The following UNC119B variants were observed in gnomAD, a reference collection of about 807,000 sequenced individuals.
The protein encoded by UNC119B is unc-119 lipid binding chaperone B, also known as protein unc-119 homolog B.
UNC119B carries 16 observed loss-of-function variants against 23.4 expected under a neutral mutation model. The observed-to-expected ratio is 0.68, with a 90% CI of 0.46 to 1.04. The LOEUF (loss-of-function observed/expected upper bound fraction) is 1.04, where lower values mean the gene tolerates loss of function less well. UNC119B is among the 50% of genes least tolerant of loss of function. UNC119B has a pLI of 0.00. For missense variants in UNC119B, 350 were observed against 361.3 expected (o/e 0.97, Z 0.25); for synonymous variants, 144 against 145.4 (o/e 0.99, Z 0.07).
At position 120,710,683 on chromosome 12, in the gene UNC119B, C is replaced by T. The variant is rs903917491; in HGVS notation, c.209C>T (p.Pro70Leu). The change falls in exon 1 of 5, where the codon CCC becomes CTC. Residue 70 changes from proline (P) to leucine (L), a missense_variant. Physicochemically the swap from Pro to Leu is moderately conservative, Grantham distance 98. Transcript: ENST00000344651. ...CTGCTGGCGCTGGACACCATCCGGC[C>T]CGAGCACGTCCTGCGCCTCAGCCGG... The part of the protein sequence containing the change: ...QELLALDTIR[P>L]EHVLRLSRVT... The T allele has an allele frequency of 1.4e-6, 2 of 1,444,958 alleles. No homozygotes were observed. The highest frequency in any genetic ancestry group is 1.5e-5 in the African/African-American group (1 of 67,450). The allele number at this position is 1,444,958 out of a possible 1,614,324, so 89.5% of individuals were successfully genotyped here. A position where few individuals can be genotyped will look rare whatever the true frequency, so the allele number is the denominator to read the frequency against.
chr12:120,713,577 G>A (rs1168474793), intron 2 of UNC119B, among the ~76,000 whole-genome samples, 190 bp downstream of exon 2: 4 of 152,228 alleles, frequency 2.6e-5, no homozygotes, highest in Admixed American at 6.5e-5. Flanking sequence ...TTTGTTGGAT[G>A]TCTATTCTGT....
intron 2 of UNC119B, among the ~76,000 whole-genome samples, chr12:120,714,398 G>A (rs1398082108): frequency 5.0e-4 from 76 of 152,014 alleles, no homozygotes; most frequent in African/African-American, 1.8e-3. Context: ...TTGGCTCACT[G>A]CAACCTCTGC....
intron 2 of UNC119B, among the ~76,000 whole-genome samples, chr12:120,715,776 G>A (rs1882768843): frequency 6.6e-6 from 1 of 152,030 alleles, no homozygotes; most frequent in South Asian, 2.1e-4. Context: ...CAGGGGATCC[G>A]CCTACCTCGG....
rs1340213417 is a variant in UNC119B, at chr12:120,720,768, C to T, written c.*736C>T. 6.6e-6 allele frequency: 1 copy of T among 152,266 alleles called. No individual in the cohort carries two copies. Among genetic ancestry groups the T allele is most frequent in the African/African-American group, 2.4e-5 (1 of 41,468 alleles). The allele number at this position is 152,266 out of a possible 1,614,324, so 9.4% of individuals were successfully genotyped here. A position where few individuals can be genotyped will look rare whatever the true frequency, so the allele number is the denominator to read the frequency against. The stretch of plus-strand genomic sequence containing the variant: ...GCTTGCTCCACATCTCCTGGCTCCT[C>T]CCTTCTGAGTCTCATGAAATAGAAT... On this transcript the variant is annotated 3_prime_UTR_variant, in exon 5 of 5. Coordinates refer to ENST00000344651, the MANE Select transcript of UNC119B (RefSeq NM_001080533.3).
chr12:120,718,335 G>A (rs1185981817), intron 4 of UNC119B, among the ~76,000 whole-genome samples: 1 of 152,166 alleles, frequency 6.6e-6, no homozygotes, highest in Non-Finnish European at 1.5e-5. Flanking sequence ...TTTAGTCATT[G>A]GCCCTTCACT....
At chr12:120,719,408 C>T (rs1882843914) in intron 4 of UNC119B, among the ~76,000 whole-genome samples, 1 of 152,178 alleles carries the variant, frequency 6.6e-6, no homozygotes, top group Non-Finnish European at 1.5e-5. Flanking sequence ...GGAGAAGGCT[C>T]CCTGCCCTGT....
chr12:120,715,016 C>T (rs1882745679), intron 2 of UNC119B, among the ~76,000 whole-genome samples: 1 of 151,934 alleles, frequency 6.6e-6, no homozygotes, highest in African/African-American at 2.4e-5. Context: ...TGGCAAAACC[C>T]CATCTGTACA....
At position 120,713,705 on chromosome 12, in the gene UNC119B, G is replaced by A. The variant is rs189273735; in HGVS notation, c.358+318G>A. 6.6e-4 allele frequency among the ~76,000 whole-genome samples: 100 copies of A among 152,296 alleles called. No homozygotes were observed. In the Middle Eastern group the frequency reaches 0.01, roughly 16 times the overall value. On this transcript the variant is annotated intron_variant, in intron 2 of 4. Transcript: ENST00000344651. ...AGGATCTGAGGCCTACAATTCCCAG[G>A]CGGCTCTTTCCTAAGGCCCTGTGCT...
intron 2 of UNC119B, 85 bp downstream of exon 2, chr12:120,713,472 G>GT (rs1882711192): frequency 1.9e-6 from 2 of 1,031,104 alleles, no homozygotes; most frequent in Non-Finnish European, 3.0e-6. Context: ...ACTGCATCCT[G>GT]TTTCTTGGAC....
intron 4 of UNC119B, among the ~76,000 whole-genome samples, chr12:120,718,027 C>T (rs1882817557): frequency 6.6e-6 from 1 of 152,112 alleles, no homozygotes; most frequent in African/African-American, 2.4e-5. Flanking sequence ...CACCACCATG[C>T]CCGGCTAATT....
intron 2 of UNC119B, among the ~76,000 whole-genome samples, chr12:120,715,964 A>C (rs1882772332): frequency 6.6e-6 from 1 of 152,342 alleles, no homozygotes; most frequent in Non-Finnish European, 1.5e-5. Context: ...TAGGCCTGGT[A>C]TGGCCTAGAA....
In UNC119B at chr12:120,720,174, G is replaced by A. The variant is rs984706062; in HGVS notation, c.*142G>A. The A allele has an allele frequency of 3.2e-6, 2 of 630,968 alleles. No individual in the cohort carries two copies. The highest frequency in any genetic ancestry group is 2.9e-5 in the Admixed American group (1 of 34,534). The allele number at this position is 630,968 out of a possible 1,614,324, so 39.1% of individuals were successfully genotyped here. ...AGGCTGGGGTGGCAGTTTCCTGCGC[G>A]CCAAAGGAGCTGCCAAACAGTGCTG... On this transcript the variant is annotated 3_prime_UTR_variant, in exon 5 of 5. Transcript: ENST00000344651.
Position 120,713,373 on chromosome 12 carries a change from A to G in UNC119B, c.344A>G (p.Lys115Arg). The G allele has an allele frequency of 6.2e-7, 1 of 1,614,010 alleles. No individual in the cohort carries two copies. The highest frequency in any genetic ancestry group is 8.5e-7 in the Non-Finnish European group (1 of 1,179,882). ...GGGACAGTACTTTTTGAGATTGCCA[A>G]ACCTTGCGTTTCAGGTAGGCCTCTA... is the stretch of plus-strand genomic sequence containing the variant. ...ETGTVLFEIAKPCVSDQEEDE... is the reference protein window; with the variant it reads ...ETGTVLFEIARPCVSDQEEDE... The change falls in exon 2 of 5, where the codon AAA becomes AGA. Residue 115 changes from lysine to arginine, a missense_variant. Coordinates refer to ENST00000344651, the MANE Select transcript of UNC119B (RefSeq NM_001080533.3).
intron 4 of UNC119B, 101 bp from the exon 5 acceptor site, chr12:120,719,819 G>A: frequency 1.3e-6 from 1 of 765,666 alleles, no homozygotes; most frequent in Admixed American, 2.1e-5. Context: ...TGAAGCGCTG[G>A]CTTATTTTGG....
chr12:120,711,364 T>C (rs1882664929), intron 1 of UNC119B: 1 of 152,266 alleles, frequency 6.6e-6, no homozygotes, highest in African/African-American at 2.4e-5. Context: ...GACTCCGACA[T>C]GTGAATCCTG....
Position 120,719,900 on chromosome 12 carries a change from C to T in UNC119B, c.644-20C>T. ...AACATAATTCTTTGCTTTTTTCTTC[C>T]CCCTTTGCCTGACTTGCAGTTCGTC... On this transcript the variant is annotated intron_variant, in intron 4 of 4. Transcript: ENST00000344651. 2 of 1,574,146 alleles carry T rather than the reference C, an allele frequency of 1.3e-6. No homozygotes were observed. The highest frequency in any genetic ancestry group is 4.5e-5 in the East Asian group (2 of 44,700).
chr12:120,718,090 A>C (rs577710881), intron 4 of UNC119B, among the ~76,000 whole-genome samples: 1 of 152,072 alleles, frequency 6.6e-6, no homozygotes, highest in South Asian at 2.1e-4. Flanking sequence ...GGATAGTCCC[A>C]ATCTCCTGAC....
At chr12:120,716,596 T>C in intron 2 of UNC119B, 32 bp from the exon 3 acceptor site, 1 of 1,609,236 alleles carries the variant, frequency 6.2e-7, no homozygotes, top group Non-Finnish European at 8.5e-7. Context: ...AATGTCGAGA[T>C]GGTGCACTGA....
chr12:120,720,118 C>A lies in UNC119B; in HGVS notation c.*86C>A. The A allele has an allele frequency of 1.9e-6, 2 of 1,053,162 alleles. No individual in the cohort carries two copies. The highest frequency in any genetic ancestry group is 1.4e-6 in the Non-Finnish European group (1 of 698,768). The allele number at this position is 1,053,162 out of a possible 1,614,324, so 65.2% of individuals were successfully genotyped here. On this transcript the variant is annotated 3_prime_UTR_variant, in exon 5 of 5. Transcript: ENST00000344651. ...GATGATCGAAGCTGCAGTTTGTCAA[C>A]ACACATCTGGAACCTGGCCCCAGGA... is the stretch of plus-strand genomic sequence containing the variant.
Sources: allele counts gnomAD v4.1 joint callset (sites outside exome capture counted in the v4.1 genomes callset), GRCh38; gene constraint gnomAD v4.1.1; transcripts MANE v1.5; gene names NCBI Gene and HGNC (gene_info 2026-07-23, HGNC 2026-07-21).